Variants in EPHA6 observed in about 807,000 individuals in gnomAD.
EPHA6 encodes the protein ephrin type-A receptor 6.
In EPHA6, 50 loss-of-function variants were observed where a neutral mutation model predicts 112.0. The observed-to-expected ratio is 0.45, with a 90% CI of 0.36 to 0.56. EPHA6 has a LOEUF of 0.56. Among genes scored for constraint, EPHA6 ranks in the 20% least tolerant of loss-of-function variants. The probability of loss-of-function intolerance (pLI) is 0.00; values close to 1 mark genes in which losing one functional copy is unlikely to be tolerated. For synonymous variants in EPHA6, 529 were observed against 490.7 expected, an observed-to-expected ratio of 1.08 and a Z score of -1.03; for missense variants, 1,280 against 1,417.4, an observed-to-expected ratio of 0.90 and a Z score of 1.56.
At chr3:97,274,267 C>A (rs867631671) in intron 5 of EPHA6, among the ~76,000 whole-genome samples, 7 of 152,016 alleles carry the variant, frequency 4.6e-5, no homozygotes, top group African/African-American at 1.7e-4. Context: ...GAGTGACTGA[C>A]GTGAAGGAGA....
intron 5 of EPHA6, among the ~76,000 whole-genome samples, chr3:97,366,005 GCACCAT>G (rs2084705202): frequency 6.6e-6 from 1 of 152,074 alleles, no homozygotes; most frequent in Admixed American, 6.5e-5. Flanking sequence ...AATTCATATT[GCACCAT>G]CAAAATTTCT....
intron 7 of EPHA6, among the ~76,000 whole-genome samples, chr3:97,463,774 G>A (rs1012356056): frequency 7.2e-5 from 11 of 152,102 alleles, no homozygotes; most frequent in Admixed American, 5.9e-4. Flanking sequence ...CATGCACACA[G>A]ACTTTAAGAC....
chr3:97,572,241 C>T (rs1305867172), intron 11 of EPHA6, among the ~76,000 whole-genome samples: 2 of 150,496 alleles, frequency 1.3e-5, no homozygotes, highest in South Asian at 2.1e-4. Context: ...AGCTCTGCCT[C>T]CCAGGTTCAT....
chr3:97,399,230 A>G (rs1304601546), intron 5 of EPHA6, among the ~76,000 whole-genome samples: 2 of 151,644 alleles, frequency 1.3e-5, no homozygotes. Flanking sequence ...TTCACTTAAC[A>G]TAATGGCCTC....
chr3:97,050,249 A>G (rs955694507), intron 3 of EPHA6, among the ~76,000 whole-genome samples: 1 of 152,162 alleles, frequency 6.6e-6, no homozygotes, highest in African/African-American at 2.4e-5. Flanking sequence ...TCAGGAAAAG[A>G]GAGACACTCT....
At chr3:97,311,694 T>G (rs898043945) in intron 5 of EPHA6, among the ~76,000 whole-genome samples, 1 of 151,742 alleles carries the variant, frequency 6.6e-6, no homozygotes, top group Non-Finnish European at 1.5e-5. Context: ...GTGGCTTTAT[T>G]ATAAGTTTTG....
chr3:97,483,125 A>G (rs565089790), intron 9 of EPHA6, among the ~76,000 whole-genome samples: 13 of 152,338 alleles, frequency 8.5e-5, no homozygotes, highest in African/African-American at 2.9e-4. Flanking sequence ...TGATCAAAAC[A>G]GAGGGATATT....
chr3:97,436,649 C>G (rs2089853283), intron 6 of EPHA6, among the ~76,000 whole-genome samples: 1 of 152,146 alleles, frequency 6.6e-6, no homozygotes, highest in Non-Finnish European at 1.5e-5. Context: ...TCAGTGAAGA[C>G]ATTCTTGCAA....
intron 14 of EPHA6, among the ~76,000 whole-genome samples, chr3:97,717,800 C>T (rs2107785770): frequency 6.6e-6 from 1 of 152,080 alleles, no homozygotes; most frequent in African/African-American, 2.4e-5. Context: ...AAAAATAAAA[C>T]CGTATGAAGG....
chr3:97,112,262 A>G (rs1171388574), intron 3 of EPHA6, among the ~76,000 whole-genome samples: 4 of 152,152 alleles, frequency 2.6e-5, no homozygotes, highest in Non-Finnish European at 5.9e-5. Context: ...TGAGACGTTC[A>G]AAAGGTTAGC....
rs1576410952 is a variant in EPHA6 at position 97,758,295 on chromosome 3, T to C, written c.*9594T>C. On this transcript the variant is annotated 3_prime_UTR_variant, in exon 18 of 18. Coordinates refer to ENST00000389672, the MANE Select transcript of EPHA6 (RefSeq NM_001080448.3). ...ATGCAATAATAAGGTATCTATAATA[T>C]AACAATCAAAAATATCAGTCAAAGC... Among the ~76,000 whole-genome samples the C allele has an allele frequency of 1.3e-5, 2 of 151,944 alleles. No individual in the cohort carries two copies.
chr3:97,646,824 C>A (rs948707858), intron 14 of EPHA6, among the ~76,000 whole-genome samples: 1 of 152,186 alleles, frequency 6.6e-6, no homozygotes, highest in African/African-American at 2.4e-5. Context: ...GGACAGAAGT[C>A]TTGGATCCAT....
At chr3:97,032,205 C>A (rs1441565894) in intron 3 of EPHA6, among the ~76,000 whole-genome samples, 4 of 152,032 alleles carry the variant, frequency 2.6e-5, no homozygotes, top group African/African-American at 2.4e-5. Context: ...GGACAAAAAA[C>A]CAAACACCGC....
At chr3:97,189,847 T>C (rs1430132588) in intron 3 of EPHA6, among the ~76,000 whole-genome samples, 1 of 152,130 alleles carries the variant, frequency 6.6e-6, no homozygotes, top group Non-Finnish European at 1.5e-5. Context: ...TAAAAATGAA[T>C]ATATATAGAT....
chr3:96,843,916 A>T (rs1030630649), intron 1 of EPHA6, among the ~76,000 whole-genome samples: 1 of 152,042 alleles, frequency 6.6e-6, no homozygotes, highest in Non-Finnish European at 1.5e-5. Context: ...TACTCAGTAG[A>T]TATACTTTAT....
At chr3:97,648,904 C>T (rs1407007597) in intron 14 of EPHA6, among the ~76,000 whole-genome samples, 1 of 152,030 alleles carries the variant, frequency 6.6e-6, no homozygotes, top group Non-Finnish European at 1.5e-5. Context: ...TGCTAAGATA[C>T]AATACGTGGT....
At chr3:97,466,986 T>A (rs778266983) in intron 7 of EPHA6, among the ~76,000 whole-genome samples, 3 of 151,930 alleles carry the variant, frequency 2.0e-5, no homozygotes, top group Admixed American at 1.3e-4. Flanking sequence ...TTCTTTATAA[T>A]CTTCCTACGA....
At chr3:97,745,197 C>A (rs531040503) in intron 16 of EPHA6, among the ~76,000 whole-genome samples, 1 of 151,932 alleles carries the variant, frequency 6.6e-6, no homozygotes, top group African/African-American at 2.4e-5. Context: ...GCCATGAAGA[C>A]CTTTATTATT....
intron 10 of EPHA6, among the ~76,000 whole-genome samples, chr3:97,508,984 C>CCTTTTTT (rs2092312577): frequency 4.5e-5 from 1 of 22,312 alleles, no homozygotes; most frequent in African/African-American, 1.5e-4. Flanking sequence ...GCATCCCTGG[C>CCTTTTTT]TTTTTTTTTT....
Sources: allele counts gnomAD v4.1 joint callset (sites outside exome capture counted in the v4.1 genomes callset), GRCh38; gene constraint gnomAD v4.1.1; transcripts MANE v1.5; gene names NCBI Gene and HGNC (gene_info 2026-07-23, HGNC 2026-07-21).